The following GFRA2 variants were observed in gnomAD, a reference collection of about 807,000 sequenced individuals.
GFRA2 encodes GDNF family receptor alpha 2.
A neutral mutation model predicts 48.3 loss-of-function variants in GFRA2; 17 were observed. The observed-to-expected ratio is 0.35, with a 90% CI of 0.24 to 0.53. The LOEUF is 0.53. Ranked by LOEUF, GFRA2 falls within the 20% of genes least tolerant of loss-of-function variation. The probability of loss-of-function intolerance (pLI) is 0.93; values close to 1 mark genes in which losing one functional copy is unlikely to be tolerated. For synonymous variants in GFRA2, 305 were observed against 257.2 expected (o/e 1.19, Z -1.78); for missense variants, 660 against 637.3 (o/e 1.04, Z -0.38).
At chr8:21,754,534 G>C (rs1473921814) in intron 3 of GFRA2, among the ~76,000 whole-genome samples, 2 of 137,404 alleles carry the variant, frequency 1.5e-5, no homozygotes, top group African/African-American at 5.6e-5. Flanking sequence ...TTGAGTCAGA[G>C]TTTTGCTCTT....
At chr8:21,793,851 AT>A (rs1471585920), upstream of GFRA2, among the ~76,000 whole-genome samples, 1 of 150,488 alleles carries the variant, frequency 6.6e-6, no homozygotes, top group African/African-American at 2.5e-5. Flanking sequence ...TGTGAAAAAA[AT>A]CATGAGAATC....
intron 3 of GFRA2, among the ~76,000 whole-genome samples, chr8:21,756,545 A>G (rs998028359): frequency 1.3e-5 from 2 of 152,112 alleles, no homozygotes; most frequent in Non-Finnish European, 2.9e-5. Context: ...GCAGCAGAAA[A>G]ACTGGACACA....
intron 1 of GFRA2, among the ~76,000 whole-genome samples, chr8:21,810,256 A>G (rs1286157711): frequency 1.3e-5 from 2 of 152,150 alleles, no homozygotes; most frequent in Non-Finnish European, 1.5e-5. Flanking sequence ...CATCCACAAC[A>G]GTGGACTGTG....
intron 4 of GFRA2, among the ~76,000 whole-genome samples, chr8:21,732,672 G>A (rs1378247857): frequency 6.6e-6 from 1 of 152,252 alleles, no homozygotes; most frequent in Non-Finnish European, 1.5e-5. Flanking sequence ...GACAGGGGCA[G>A]CTCAGTTCAC....
chr8:21,765,080 CTCTT>C (rs1356402540), intron 3 of GFRA2, among the ~76,000 whole-genome samples: 4 of 151,884 alleles, frequency 2.6e-5, no homozygotes, highest in African/African-American at 7.3e-5. Flanking sequence ...TAACCACTTC[CTCTT>C]TCTTTCTTTT....
At position 21,749,655 on chromosome 8, in the gene GFRA2, G is replaced by C. The variant is rs181103526; in HGVS notation, c.794+933C>G. ...TAGGCAGAAACTTTCTTCAGAAGTG[G>C]GACTAAATTGTCTAAAGTCCCTTTT... On this transcript the variant is annotated intron_variant, in intron 4 of 8. Coordinates refer to ENST00000524240, the MANE Select transcript of GFRA2 (RefSeq NM_001495.5). Among the ~76,000 whole-genome samples the C allele has an allele frequency of 5.5e-3, 836 of 151,826 alleles. 9 individuals carry two copies. The highest frequency in any genetic ancestry group is 0.02 in the African/African-American group (809 of 41,266).
intron 2 of GFRA2, among the ~76,000 whole-genome samples, chr8:21,803,080 C>T (rs1373246148): frequency 1.2e-4 from 19 of 152,338 alleles, no homozygotes; most frequent in Admixed American, 1.0e-3. Flanking sequence ...AGGGTTAACA[C>T]CGCAAAGGTT....
chr8:21,811,098 G>C (rs1807972116), intron 1 of GFRA2, among the ~76,000 whole-genome samples: 1 of 152,152 alleles, frequency 6.6e-6, no homozygotes, highest in South Asian at 2.1e-4. Flanking sequence ...GGAGAGAAGG[G>C]GAGCAGCCTG....
At chr8:21,724,309 A>G (rs1054969943) in intron 4 of GFRA2, among the ~76,000 whole-genome samples, 2 of 152,148 alleles carry the variant, frequency 1.3e-5, no homozygotes, top group Non-Finnish European at 2.9e-5. Flanking sequence ...TTACAGGCAG[A>G]CTTTCATCCA....
At chr8:21,792,072 T>A (rs948654198), upstream of GFRA2, among the ~76,000 whole-genome samples, 1 of 152,108 alleles carries the variant, frequency 6.6e-6, no homozygotes, top group African/African-American at 2.4e-5. Context: ...AGAGTCCAAA[T>A]CTGCATGGGG....
intron 2 of GFRA2, chr8:21,797,601 G>A (rs1807700633): frequency 6.6e-6 from 1 of 152,126 alleles, no homozygotes; most frequent in Non-Finnish European, 1.5e-5. Flanking sequence ...CTCAGGCCAA[G>A]GTCAACGTAA....
chr8:21,721,055 C>T (rs1342040574), intron 4 of GFRA2, among the ~76,000 whole-genome samples: 2 of 151,658 alleles, frequency 1.3e-5, no homozygotes, highest in African/African-American at 4.8e-5. Context: ...AGGGAAGGGA[C>T]TGATTGATTG....
intron 3 of GFRA2, among the ~76,000 whole-genome samples, chr8:21,756,252 G>C (rs1805564498): frequency 6.6e-6 from 1 of 152,140 alleles, no homozygotes. Context: ...TTTTGCTAGG[G>C]GGCAGAACGT....
chr8:21,692,201 G>A lies in GFRA2; in HGVS notation c.*1077C>T, dbSNP rs553159918. 1 of 152,462 alleles carries A rather than the reference G, an allele frequency of 6.6e-6. No homozygotes were observed. Among genetic ancestry groups the A allele is most frequent in the East Asian group, 1.9e-4 (1 of 5,148 alleles). 9.4% of individuals were successfully genotyped at this position (152,462 alleles called of 1,614,324 possible). ...TAATACATTTTCGCTCATCTGTTGG[G>A]GTATTATTTCCATAGTTTTGTTGCT... On this transcript the variant is annotated 3_prime_UTR_variant, in exon 9 of 9. Coordinates refer to ENST00000524240, the MANE Select transcript of GFRA2 (RefSeq NM_001495.5).
chr8:21,747,278 G>A (rs1805053590), intron 4 of GFRA2, among the ~76,000 whole-genome samples: 3 of 152,090 alleles, frequency 2.0e-5, no homozygotes, highest in African/African-American at 7.2e-5. Flanking sequence ...GGAGTTATTT[G>A]GTCCATCAAG....
chr8:21,810,808 C>T (rs1002548152), intron 1 of GFRA2, among the ~76,000 whole-genome samples: 2 of 152,174 alleles, frequency 1.3e-5, no homozygotes, highest in Non-Finnish European at 2.9e-5. Context: ...GTAAGTGAGG[C>T]TCCTCTCCTG....
chr8:21,804,196 A>G (rs1332592100), intron 2 of GFRA2, among the ~76,000 whole-genome samples: 2 of 127,372 alleles, frequency 1.6e-5, no homozygotes, highest in Non-Finnish European at 3.0e-5. Flanking sequence ...TTACATACAT[A>G]CATGCACACA....
intron 7 of GFRA2, among the ~76,000 whole-genome samples, chr8:21,699,113 GC>G (rs1351180432): frequency 6.6e-6 from 1 of 152,216 alleles, no homozygotes; most frequent in Non-Finnish European, 1.5e-5. Flanking sequence ...CATGGTCCCG[GC>G]CCATGAGGCT....
At chr8:21,790,026 C>A, upstream of GFRA2, 2 of 973,700 alleles carry the variant, frequency 2.1e-6, no homozygotes, top group Non-Finnish European at 2.4e-6. Context: ...CTCCCCTAGC[C>A]GGGAAGGGGG....
Sources: gnomAD v4.1 joint callset for allele counts (sites outside exome capture counted in the v4.1 genomes callset) on GRCh38, gnomAD v4.1.1 for gene constraint, MANE v1.5 for transcripts, NCBI Gene and HGNC (gene_info 2026-07-23, HGNC 2026-07-21) for gene names.